Variants in ITPR1 observed in about 807,000 individuals in gnomAD.
ITPR1 encodes the protein inositol 1,4,5-trisphosphate-gated calcium channel ITPR1.
A neutral mutation model predicts 318.4 loss-of-function variants in ITPR1; 96 were observed. That is an observed-to-expected ratio of 0.30 (90% CI 0.26 to 0.36). ITPR1 has a LOEUF of 0.36. Ranked by LOEUF, ITPR1 falls within the 10% of genes least tolerant of loss-of-function variation. The pLI is 1.00. For synonymous variants in ITPR1, 1,312 were observed against 1,289.9 expected, an observed-to-expected ratio of 1.02 and a Z score of -0.37; for missense variants, 2,440 against 3,460.2, an observed-to-expected ratio of 0.71 and a Z score of 7.40.
chr3:4,751,199 G>A (rs537689935), intron 44 of ITPR1: 1 of 152,564 alleles, frequency 6.6e-6, no homozygotes, highest in Admixed American at 6.5e-5. Context: ...GAAAACAAGA[G>A]AATGGGTTTA....
At chr3:4,557,258 A>G (rs1441850818) in intron 4 of ITPR1, among the ~76,000 whole-genome samples, 2 of 152,234 alleles carry the variant, frequency 1.3e-5, no homozygotes, top group East Asian at 3.8e-4. Flanking sequence ...CACATCTTAC[A>G]TGGTGGCAGG....
chr3:4,625,565 T>C (rs1021253938), intron 4 of ITPR1, among the ~76,000 whole-genome samples: 1 of 152,180 alleles, frequency 6.6e-6, no homozygotes, highest in Non-Finnish European at 1.5e-5. Flanking sequence ...TTTTTTATTT[T>C]TATTTTTTTG....
chr3:4,810,370 G>A (rs1157125655), intron 55 of ITPR1, among the ~76,000 whole-genome samples: 2 of 152,134 alleles, frequency 1.3e-5, no homozygotes, highest in Non-Finnish European at 1.5e-5. Flanking sequence ...TGTAGCTCTT[G>A]GAAAACTAGC....
At chr3:4,563,975 C>T (rs1331412526) in intron 4 of ITPR1, among the ~76,000 whole-genome samples, 2 of 151,698 alleles carry the variant, frequency 1.3e-5, no homozygotes, top group African/African-American at 4.8e-5. Flanking sequence ...AGAATCTCAC[C>T]GTGTCACCCA....
At position 4,647,661 on chromosome 3, in the gene ITPR1, A is replaced by G. The variant is rs140852096; in HGVS notation, c.855+1933A>G. Among the ~76,000 whole-genome samples the G allele has an allele frequency of 2.8e-3, 431 of 152,284 alleles. 2 individuals carry two copies. Among genetic ancestry groups the G allele is most frequent in the African/African-American group, 9.0e-3 (374 of 41,548 alleles). On this transcript the variant is annotated intron_variant, in intron 10 of 61. Coordinates refer to ENST00000649015, the MANE Select transcript of ITPR1 (RefSeq NM_001378452.1). ...CTAGTAGGTACATAGTGAAATTTCAATGTGGGTTGGATTTGCATCCCCTGT... is the reference window on the plus strand; with the variant it reads ...CTAGTAGGTACATAGTGAAATTTCAGTGTGGGTTGGATTTGCATCCCCTGT...
intron 4 of ITPR1, among the ~76,000 whole-genome samples, chr3:4,562,188 C>T (rs1438991421): frequency 1.3e-5 from 2 of 152,130 alleles, no homozygotes; most frequent in African/African-American, 2.4e-5. Flanking sequence ...CATCCTGGGC[C>T]GTGGGTTGGA....
intron 31 of ITPR1, among the ~76,000 whole-genome samples, chr3:4,689,721 G>A (rs2094451202): frequency 6.6e-6 from 1 of 152,258 alleles, no homozygotes; most frequent in African/African-American, 2.4e-5. Flanking sequence ...TGAAAAATAA[G>A]CCTTCTAGAA....
intron 19 of ITPR1, among the ~76,000 whole-genome samples, chr3:4,670,275 C>G (rs944812943): frequency 6.6e-6 from 1 of 152,226 alleles, no homozygotes; most frequent in South Asian, 2.1e-4. Flanking sequence ...AAAAAACATA[C>G]TAAATTACGT....
chr3:4,767,148 C>G (rs1444633610), intron 45 of ITPR1, among the ~76,000 whole-genome samples: 1 of 152,200 alleles, frequency 6.6e-6, no homozygotes, highest in Non-Finnish European at 1.5e-5. Flanking sequence ...GTGGGTAGAC[C>G]CACAAGTGTT....
chr3:4,637,750 T>C (rs34652697), intron 5 of ITPR1, among the ~76,000 whole-genome samples: 14,779 of 152,264 alleles, frequency 0.097, 1,032 homozygotes, highest in African/African-American at 0.19. Context: ...GAATTGCTTC[T>C]GGCAGTTCAT....
chr3:4,509,353 T>TA (rs2081627802), intron 2 of ITPR1, among the ~76,000 whole-genome samples: 1 of 152,208 alleles, frequency 6.6e-6, no homozygotes, highest in Non-Finnish European at 1.5e-5. Context: ...GGATAAAAGT[T>TA]AGAGTATCTT....
At chr3:4,588,021 C>A (rs1390514402) in intron 4 of ITPR1, among the ~76,000 whole-genome samples, 2 of 152,138 alleles carry the variant, frequency 1.3e-5, no homozygotes, top group Admixed American at 1.3e-4. Context: ...GATTTTCCCC[C>A]CTCTTGGTAT....
At chr3:4,529,589 A>G (rs1470740036) in intron 4 of ITPR1, among the ~76,000 whole-genome samples, 1 of 152,194 alleles carries the variant, frequency 6.6e-6, no homozygotes, top group Non-Finnish European at 1.5e-5. Flanking sequence ...GGATTTAGAA[A>G]GTCTCCTGGG....
chr3:4,577,653 G>A (rs902589530), intron 4 of ITPR1, among the ~76,000 whole-genome samples: 1 of 152,186 alleles, frequency 6.6e-6, no homozygotes, highest in African/African-American at 2.4e-5. Context: ...TACCTTTGCT[G>A]TTGAAATTTG....
At position 4,680,603 on chromosome 3, in the gene ITPR1, A is replaced by G; in HGVS notation, c.3018A>G (p.Ile1006Met). The change falls in exon 25 of 62, where the codon ATA (isoleucine) becomes ATG (methionine). Residue 1006 changes from isoleucine (I) to methionine (M), a missense_variant. Transcript: ENST00000649015. ...LDYRISCLLC[I>M]FKREFDESNS... ...ATAGGATCTCCTGCCTCCTGTGTAT[A>G]TTTAAGCGAGAGTTTGATGAAAGCA... 1 of 1,613,480 alleles carries G rather than the reference A, an allele frequency of 6.2e-7. No homozygotes were observed. The highest frequency in any genetic ancestry group is 8.5e-7 in the Non-Finnish European group (1 of 1,179,444).
In ITPR1 at chr3:4,806,244, C is replaced by A. The variant is rs890931980; in HGVS notation, c.7249C>A (p.His2417Asn). Residue 2417 changes from histidine (H) to asparagine (N), a missense_variant, in exon 55 of 62, where the codon CAT (histidine) becomes AAT (asparagine). Physicochemically the swap from His to Asn is moderately conservative, Grantham distance 68 (BLOSUM62 1). This residue lies in a region of ITPR1 where 126 missense variants were observed against 150.8 expected (regional missense o/e 0.84). Coordinates refer to ENST00000649015, the MANE Select transcript of ITPR1 (RefSeq NM_001378452.1). ...LVICAMGLFV[H>N]EFFYSLLLFD... ...GATCTGTGCCATGGGGCTCTTTGTC[C>A]ATGAATTCTTCTACAGTCTGCTGGT... The A allele has an allele frequency of 6.2e-7, 1 of 1,613,846 alleles. No individual in the cohort carries two copies. The highest frequency in any genetic ancestry group is 8.5e-7 in the Non-Finnish European group (1 of 1,179,840).
At chr3:4,724,070 C>T (rs1225418498) in intron 40 of ITPR1, among the ~76,000 whole-genome samples, 1 of 152,044 alleles carries the variant, frequency 6.6e-6, no homozygotes, top group Non-Finnish European at 1.5e-5. Flanking sequence ...ACTTTCCTTC[C>T]CCACTCATGT....
At chr3:4,649,356 T>C (rs988136670) in intron 10 of ITPR1, among the ~76,000 whole-genome samples, 1 of 152,230 alleles carries the variant, frequency 6.6e-6, no homozygotes, top group African/African-American at 2.4e-5. Context: ...AAATGGATTC[T>C]GGAAAGTCAA....
intron 44 of ITPR1, chr3:4,749,601 G>C (rs1025072798): frequency 6.6e-6 from 1 of 152,172 alleles, no homozygotes; most frequent in Admixed American, 6.5e-5. Flanking sequence ...CGCATTATCT[G>C]TTTGAAAGTC....
Sources: allele counts gnomAD v4.1 joint callset (sites outside exome capture counted in the v4.1 genomes callset), GRCh38; gene constraint gnomAD v4.1.1; regional missense constraint gnomAD v4.1.1; transcripts MANE v1.5; gene names NCBI Gene and HGNC (gene_info 2026-07-23, HGNC 2026-07-21).